PAPPA: variants seen among roughly 807,000 people sequenced by gnomAD.
PAPPA encodes the protein pappalysin-1.
PAPPA carries 60 observed loss-of-function variants against 164.0 expected under a neutral mutation model. The ratio of observed to expected loss-of-function variants is 0.37; its 90% CI spans 0.30 to 0.45. PAPPA has a LOEUF of 0.45. PAPPA is among the 20% of genes least tolerant of loss of function. PAPPA has a pLI of 1.00. For missense variants in PAPPA, 1,782 were observed against 2,087.3 expected (o/e 0.85, Z 2.85); for synonymous variants, 875 against 814.1 (o/e 1.07, Z -1.27).
Position 116,377,592 on chromosome 9 carries a change from C to T in PAPPA, c.4622C>T (p.Ala1541Val). 6.2e-7 allele frequency: 1 copy of T among 1,613,744 alleles called. No individual in the cohort carries two copies. The highest frequency in any genetic ancestry group is 8.5e-7 in the Non-Finnish European group (1 of 1,179,666). ...PTRVERVVCT[A>V]GLKWYPHPAL... The stretch of plus-strand genomic sequence containing the variant: ...TTCCCACAGAGAGTTGTCTGCACTG[C>T]TGGTCTCAAGTGGTATCCTCACCCT... Residue 1541 changes from alanine (A) to valine (V), a missense_variant, in exon 20 of 22, where the codon GCT (alanine) becomes GTT (valine). Ala to Val is a moderately conservative substitution (Grantham distance 64). Coordinates refer to ENST00000328252, the MANE Select transcript of PAPPA (RefSeq NM_002581.5).
intron 11 of PAPPA, 116 bp from the exon 12 acceptor site, chr9:116,332,217 G>A: frequency 1.3e-6 from 1 of 753,518 alleles, no homozygotes. Flanking sequence ...GACCCCTGAT[G>A]AGTAGTAGCC....
At chr9:116,311,086 A>G (rs1368325885) in intron 10 of PAPPA, among the ~76,000 whole-genome samples, 1 of 148,358 alleles carries the variant, frequency 6.7e-6, no homozygotes, top group Non-Finnish European at 1.5e-5. Context: ...TTCTAACAGA[A>G]TAGTATTTGG....
At chr9:116,276,660 G>A (rs753344510) in intron 9 of PAPPA, among the ~76,000 whole-genome samples, 3 of 152,160 alleles carry the variant, frequency 2.0e-5, no homozygotes, top group Non-Finnish European at 2.9e-5. Flanking sequence ...GGACCCCCAC[G>A]TCGTCTTTCC....
chr9:116,248,587 C>A (rs745372401), intron 7 of PAPPA, among the ~76,000 whole-genome samples: 4 of 152,180 alleles, frequency 2.6e-5, no homozygotes, highest in Non-Finnish European at 2.9e-5. Flanking sequence ...CTAGACCCAG[C>A]CTCTCTCTTA....
intron 7 of PAPPA, among the ~76,000 whole-genome samples, chr9:116,245,113 C>T (rs1238883373): frequency 1.4e-5 from 2 of 147,038 alleles, no homozygotes; most frequent in African/African-American, 5.1e-5. Context: ...AATGTGTACA[C>T]ATAGACATAG....
chr9:116,187,038 T>C lies in PAPPA; in HGVS notation c.416-116T>C, dbSNP rs979661000. 6 of 748,556 alleles carry C rather than the reference T, an allele frequency of 8.0e-6. No individual in the cohort carries two copies. The highest frequency in any genetic ancestry group is 3.5e-5 in the African/African-American group (2 of 56,722). 46.4% of individuals were successfully genotyped at this position (748,556 alleles called of 1,614,324 possible). A position where few individuals can be genotyped will look rare whatever the true frequency, so the allele number is the denominator to read the frequency against. ...CAACTCCTAGGATCCCACAGAGCAG[T>C]TGGAAAGCGATGAGTCTAGGATAAC... On this transcript the variant is annotated intron_variant, in intron 1 of 21. Coordinates refer to ENST00000328252, the MANE Select transcript of PAPPA (RefSeq NM_002581.5). This position sits in a 1 kb window ranked among gnomAD's most constrained non-coding sequence, Gnocchi z 4.2.
intron 10 of PAPPA, among the ~76,000 whole-genome samples, chr9:116,314,792 C>G (rs1409325415): frequency 6.6e-6 from 1 of 152,212 alleles, no homozygotes; most frequent in South Asian, 2.1e-4. Context: ...GCTCAAGTGG[C>G]TCCTCTTCCA....
chr9:116,253,436 C>T (rs1426171823), intron 7 of PAPPA, among the ~76,000 whole-genome samples: 1 of 152,110 alleles, frequency 6.6e-6, no homozygotes, highest in Non-Finnish European at 1.5e-5. Context: ...ACAATCACAA[C>T]AAAAACTAAT....
At chr9:116,335,238 G>A (rs982932714) in intron 13 of PAPPA, among the ~76,000 whole-genome samples, 164 bp downstream of exon 13, 8 of 152,032 alleles carry the variant, frequency 5.3e-5, no homozygotes, top group African/African-American at 1.9e-4. Context: ...TGGCCCATGA[G>A]TCTCTGAATT....
chr9:116,395,438 G>T (rs149859033), intron 21 of PAPPA, among the ~76,000 whole-genome samples: 1 of 152,336 alleles, frequency 6.6e-6, no homozygotes, highest in African/African-American at 2.4e-5. Context: ...GGAGGCAAAT[G>T]AGGTCATTAA....
intron 7 of PAPPA, among the ~76,000 whole-genome samples, chr9:116,251,927 G>T (rs735649): frequency 6.6e-6 from 1 of 152,116 alleles, no homozygotes; most frequent in African/African-American, 2.4e-5. Flanking sequence ...ACCTCGTCCC[G>T]GGATTCGAAG....
Position 116,187,918 on chromosome 9 carries a change from G to T in PAPPA, c.1180G>T (p.Glu394Ter). The change falls in exon 2 of 22, where the codon GAG becomes TAG. Residue 394 changes from glutamate to a stop codon, truncating the protein, a stop_gained. Coordinates refer to ENST00000328252, the MANE Select transcript of PAPPA (RefSeq NM_002581.5). LOFTEE classifies it high-confidence loss of function. The surrounding 1 kb of genome is among the most constrained non-coding windows in gnomAD (Gnocchi z 4.2). ...CTTCAAGCAATACAACATCTCCTGG[G>T]AGCTGGACGTGCTGGAGGTGAGCAA... ...EAFKQYNISWELDVLEVSNSS... is the reference protein window; with the variant it reads ...EAFKQYNISW 1 of 1,614,134 alleles carries T rather than the reference G, an allele frequency of 6.2e-7. No homozygotes were observed. Among genetic ancestry groups the T allele is most frequent in the South Asian group, 1.1e-5 (1 of 91,088 alleles).
intron 9 of PAPPA, among the ~76,000 whole-genome samples, 165 bp from the exon 10 acceptor site, chr9:116,302,592 T>C (rs2118890748): frequency 6.6e-6 from 1 of 152,314 alleles, no homozygotes; most frequent in African/African-American, 2.4e-5. Flanking sequence ...TGACAGAATT[T>C]CCTTCTTTTT....
At chr9:116,366,298 T>A (rs1295876141) in intron 18 of PAPPA, among the ~76,000 whole-genome samples, 1 of 152,116 alleles carries the variant, frequency 6.6e-6, no homozygotes, top group Non-Finnish European at 1.5e-5. Flanking sequence ...TGAATTACAG[T>A]CAACTTGCCA....
Position 116,155,867 on chromosome 9 carries a change from C to G in PAPPA, c.415+1280C>G, listed in dbSNP as rs374802493. 1.2e-4 allele frequency among the ~76,000 whole-genome samples: 19 copies of G among 152,172 alleles called. No individual in the cohort carries two copies. The East Asian group carries it at 3.5e-3, about 28-fold the overall frequency. On this transcript the variant is annotated intron_variant, in intron 1 of 21. Coordinates refer to ENST00000328252, the MANE Select transcript of PAPPA (RefSeq NM_002581.5). The stretch of plus-strand genomic sequence containing the variant: ...AGAGCGATACAGTGATTCCCCCCAA[C>G]AACCCACAACTGACGTCATCGCATG...
At position 116,154,056 on chromosome 9, in the gene PAPPA, G is replaced by C. The variant is rs1843566205; in HGVS notation, c.-117G>C. ...AGAAAAGAAAAAAGCAAGTGGAAAG[G>C]GGGGCTCGCCCAAGAAGGGTGAAGA... On this transcript the variant is annotated 5_prime_UTR_variant, in exon 1 of 22. Transcript: ENST00000328252. The surrounding 1 kb of genome is among the most constrained non-coding windows in gnomAD (Gnocchi z 5.2). The C allele has an allele frequency of 7.8e-6, 9 of 1,147,978 alleles. No homozygotes were observed. In the South Asian group the frequency reaches 1.4e-4, roughly 18 times the overall value. 71.1% of individuals were successfully genotyped at this position (1,147,978 alleles called of 1,614,324 possible). A position where few individuals can be genotyped will look rare whatever the true frequency, so the allele number is the denominator to read the frequency against.
chr9:116,202,551 C>A (rs1341725914), intron 2 of PAPPA, among the ~76,000 whole-genome samples: 2 of 152,076 alleles, frequency 1.3e-5, no homozygotes, highest in African/African-American at 4.8e-5. Context: ...ATAGTGGGAT[C>A]CAGGTGCATG....
chr9:116,367,649 G>C lies in PAPPA; in HGVS notation c.4500G>C (p.Ser1500=). 1 of 1,612,934 alleles carries C rather than the reference G, an allele frequency of 6.2e-7. No homozygotes were observed. The highest frequency in any genetic ancestry group is 8.5e-7 in the Non-Finnish European group (1 of 1,179,188). Residue 1500 remains serine, a synonymous_variant, in exon 19 of 22, where the codon TCG becomes TCC. Transcript: ENST00000328252. ...CTCATGCTGTACTTCCCTCAGGGTC[G>C]GAGTGTGCCACCTCGTGCCTGGACC... is the stretch of plus-strand genomic sequence containing the variant. The part of the protein sequence containing the change: ...LQCPDGYAIG[S]ECATSCLDHN...
At chr9:116,394,589 A>T (rs1002937196) in intron 21 of PAPPA, among the ~76,000 whole-genome samples, 61 of 152,158 alleles carry the variant, frequency 4.0e-4, no homozygotes, top group African/African-American at 1.4e-3. Context: ...TGCCACTTCC[A>T]GTTCTAATAT....
Sources: gnomAD v4.1 joint callset for allele counts (sites outside exome capture counted in the v4.1 genomes callset) on GRCh38, gnomAD v4.1.1 for gene constraint, Gnocchi (gnomAD v3.1) non-coding constraint, MANE v1.5 for transcripts, NCBI Gene and HGNC (gene_info 2026-07-23, HGNC 2026-07-21) for gene names.